Variants in SPAG16 observed in about 807,000 individuals in gnomAD.
SPAG16 encodes the protein sperm-associated antigen 16 protein.
A neutral mutation model predicts 80.4 loss-of-function variants in SPAG16; 86 were observed. The observed-to-expected ratio is 1.07, with a 90% CI of 0.90 to 1.28. The LOEUF (loss-of-function observed/expected upper bound fraction) is 1.28, where lower values mean the gene tolerates loss of function less well. Among genes scored for constraint, SPAG16 ranks in the 50% most tolerant of loss-of-function variants. The pLI is 0.00. For synonymous variants in SPAG16, 294 were observed against 265.9 expected (o/e 1.11, Z -1.03); for missense variants, 870 against 765.3 (o/e 1.14, Z -1.61).
chr2:213,913,286 C>T (rs2077762332), intron 11 of SPAG16, among the ~76,000 whole-genome samples: 1 of 151,966 alleles, frequency 6.6e-6, no homozygotes, highest in African/African-American at 2.4e-5. Flanking sequence ...ATGTTTGTTA[C>T]TAACATGTTA....
At chr2:213,529,096 A>G (rs2125877355) in intron 10 of SPAG16, among the ~76,000 whole-genome samples, 1 of 152,330 alleles carries the variant, frequency 6.6e-6, no homozygotes, top group Admixed American at 6.5e-5. Flanking sequence ...TTATTGACAC[A>G]TTAATGAAAC....
In SPAG16 at chr2:213,622,928, G is replaced by A. The variant is rs138183678; in HGVS notation, c.1070+132838G>A. 3.5e-3 allele frequency among the ~76,000 whole-genome samples: 540 copies of A among 152,260 alleles called. 6 individuals carry two copies. The highest frequency in any genetic ancestry group is 0.012 in the African/African-American group (507 of 41,556). On this transcript the variant is annotated intron_variant, in intron 10 of 15. Transcript: ENST00000331683. ...ATTGATGCATCGATTTGAATAATTT[G>A]TGTAAGTTCTTGGGTTAGGCACACA...
intron 10 of SPAG16, among the ~76,000 whole-genome samples, chr2:213,540,813 C>A (rs1230937293): frequency 6.6e-6 from 1 of 152,120 alleles, no homozygotes; most frequent in Non-Finnish European, 1.5e-5. Flanking sequence ...TACTTTTCAC[C>A]GTAAATAAAA....
Position 213,284,581 on chromosome 2 carries a change from C to A in SPAG16, c.98C>A (p.Ala33Glu), listed in dbSNP as rs1168730346. 1.2e-6 allele frequency: 2 copies of A among 1,609,552 alleles called. No individual in the cohort carries two copies. Among genetic ancestry groups the A allele is most frequent in the Non-Finnish European group, 1.7e-6 (2 of 1,178,538 alleles). Residue 33 changes from alanine (A) to glutamate (E), a missense_variant, in exon 1 of 16, where the codon GCG (alanine) becomes GAG (glutamate). Ala to Glu is a moderately radical substitution (Grantham distance 107, BLOSUM62 -1). Transcript: ENST00000331683. Reference sequence around the variant, plus strand: ...GCAGCCGGGGACGCGAGGGACACGGCGGACGCGGTGGCGGCTGAGGGCGCC... The same window carrying A: ...GCAGCCGGGGACGCGAGGGACACGGAGGACGCGGTGGCGGCTGAGGGCGCC... ...LTAAGDARDT[A>E]DAVAAEGAYY...
At chr2:213,488,300 G>C (rs1379323607) in intron 9 of SPAG16, among the ~76,000 whole-genome samples, 3 of 152,158 alleles carry the variant, frequency 2.0e-5, no homozygotes, top group Admixed American at 6.5e-5. Flanking sequence ...ATTGCACACA[G>C]TACTACATGA....
At chr2:214,201,902 G>C (rs72944054) in intron 15 of SPAG16, among the ~76,000 whole-genome samples, 10,403 of 151,878 alleles carry the variant, frequency 0.068, 484 homozygotes, top group Non-Finnish European at 0.096. Flanking sequence ...CCAAAGTGCA[G>C]TGGCACAATC....
intron 15 of SPAG16, among the ~76,000 whole-genome samples, chr2:214,375,412 C>A (rs1198988574): frequency 1.3e-5 from 2 of 152,048 alleles, no homozygotes; most frequent in African/African-American, 4.8e-5. Context: ...GTTACCTTGG[C>A]CTTCAAATTC....
intron 10 of SPAG16, among the ~76,000 whole-genome samples, chr2:213,761,377 C>G: frequency 6.6e-6 from 1 of 152,008 alleles, no homozygotes; most frequent in South Asian, 2.1e-4. Flanking sequence ...AAACCTAAAG[C>G]TAGCACAAGA....
At chr2:213,849,296 G>A (rs1257128140) in intron 10 of SPAG16, among the ~76,000 whole-genome samples, 2 of 151,982 alleles carry the variant, frequency 1.3e-5, no homozygotes, top group African/African-American at 4.8e-5. Context: ...ATGGCACCAC[G>A]ACATCCATGA....
At chr2:213,371,614 A>G (rs550825711) in intron 8 of SPAG16, among the ~76,000 whole-genome samples, 2 of 152,116 alleles carry the variant, frequency 1.3e-5, no homozygotes, top group South Asian at 2.1e-4. Context: ...TGGCATGTCA[A>G]TAGAGATTCT....
At chr2:213,511,979 A>G (rs1212734328) in intron 10 of SPAG16, among the ~76,000 whole-genome samples, 2 of 151,986 alleles carry the variant, frequency 1.3e-5, no homozygotes, top group Middle Eastern at 6.3e-3. Flanking sequence ...TAGATGTCTA[A>G]TTTTTCTCCT....
chr2:213,384,943 C>T (rs1051097267), intron 9 of SPAG16, among the ~76,000 whole-genome samples: 1 of 152,198 alleles, frequency 6.6e-6, no homozygotes, highest in African/African-American at 2.4e-5. Flanking sequence ...TTGTGCCCAT[C>T]TTGCTTTTGA....
chr2:213,406,957 A>T (rs1236358518), intron 9 of SPAG16, among the ~76,000 whole-genome samples: 6 of 142,390 alleles, frequency 4.2e-5, no homozygotes, highest in South Asian at 2.3e-4. Flanking sequence ...AAAAAAAAAA[A>T]GGGAAAAGAA....
chr2:213,329,487 A>G (rs1452775558), intron 5 of SPAG16, among the ~76,000 whole-genome samples: 6 of 152,200 alleles, frequency 3.9e-5, no homozygotes, highest in Non-Finnish European at 7.3e-5. Context: ...GATTTGTGGA[A>G]CTTTGCACTT....
intron 15 of SPAG16, among the ~76,000 whole-genome samples, chr2:214,300,728 AACAG>A (rs1350741978): frequency 2.0e-5 from 3 of 152,088 alleles, no homozygotes; most frequent in Non-Finnish European, 4.4e-5. Flanking sequence ...AAAAATCCTG[AACAG>A]ACAAATAACA....
chr2:213,340,555 C>T (rs2064630539), intron 6 of SPAG16, among the ~76,000 whole-genome samples: 1 of 152,044 alleles, frequency 6.6e-6, no homozygotes, highest in Non-Finnish European at 1.5e-5. Context: ...GATTTATTTC[C>T]ACAGGAATTA....
At chr2:213,660,126 T>C (rs748475519) in intron 10 of SPAG16, among the ~76,000 whole-genome samples, 7 of 152,176 alleles carry the variant, frequency 4.6e-5, no homozygotes, top group Non-Finnish European at 1.0e-4. Context: ...CTTTCACATA[T>C]AACACAGCAA....
chr2:213,916,725 A>G (rs1435222799), intron 11 of SPAG16, among the ~76,000 whole-genome samples: 1 of 152,134 alleles, frequency 6.6e-6, no homozygotes, highest in East Asian at 1.9e-4. Context: ...ACACACAGCC[A>G]AACCATATCA....
At chr2:213,940,485 C>T (rs1188791569) in intron 12 of SPAG16, among the ~76,000 whole-genome samples, 1 of 151,924 alleles carries the variant, frequency 6.6e-6, no homozygotes, top group African/African-American at 2.4e-5. Context: ...TTAGGAATAG[C>T]GTTCTCCTTA....
Sources: allele counts gnomAD v4.1 joint callset (sites outside exome capture counted in the v4.1 genomes callset), GRCh38; gene constraint gnomAD v4.1.1; transcripts MANE v1.5; gene names NCBI Gene and HGNC (gene_info 2026-07-23, HGNC 2026-07-21).